DNAH11: variants seen among roughly 807,000 people sequenced by gnomAD.
The protein encoded by DNAH11 is dynein axonemal heavy chain 11.
Under a neutral mutation model 526.0 loss-of-function variants are expected in DNAH11, and 442 were observed. The observed-to-expected ratio is 0.84, with a 90% CI of 0.78 to 0.91. The LOEUF (loss-of-function observed/expected upper bound fraction) is 0.91. Ranked by LOEUF, DNAH11 falls within the 40% of genes least tolerant of loss-of-function variation. DNAH11 has a pLI of 0.00. For synonymous variants in DNAH11, 2,461 were observed against 1,935.9 expected (o/e 1.27, Z -7.12); for missense variants, 6,989 against 5,448.7 (o/e 1.28, Z -8.90).
At chr7:21,555,318 T>C (rs1255871139) in intron 2 of DNAH11, among the ~76,000 whole-genome samples, 3 of 152,190 alleles carry the variant, frequency 2.0e-5, no homozygotes, top group Non-Finnish European at 4.4e-5. Context: ...ATTCAAGGGT[T>C]GTCACTCCAA....
intron 22 of DNAH11, among the ~76,000 whole-genome samples, chr7:21,617,415 A>G (rs1055197081): frequency 8.5e-5 from 13 of 152,198 alleles, no homozygotes; most frequent in African/African-American, 2.9e-4. Context: ...AGTGTATACA[A>G]GTGGCTTGTA....
In DNAH11 at chr7:21,637,675, A is replaced by G. The variant is rs886062176; in HGVS notation, c.4790A>G (p.Tyr1597Cys). Residue 1597 changes from tyrosine (Y) to cysteine (C), a missense_variant, in exon 27 of 82, where the codon TAT becomes TGT. Tyr to Cys is a radical substitution (Grantham distance 194, BLOSUM62 -2). Transcript: ENST00000409508. ...VLEATCRPNL[Y>C]EKLKDLQSRL... Reference sequence around the variant, plus strand: ...GAAGCAACGTGCAGACCTAATCTCTATGAAAAACTTAAAGATTTACAGTCC... The same window carrying G: ...GAAGCAACGTGCAGACCTAATCTCTGTGAAAAACTTAAAGATTTACAGTCC... 6.4e-7 allele frequency: 1 copy of G among 1,573,210 alleles called. No individual in the cohort carries two copies. The highest frequency in any genetic ancestry group is 8.6e-7 in the Non-Finnish European group (1 of 1,159,800).
chr7:21,647,125 T>C (rs1787391013), intron 28 of DNAH11, among the ~76,000 whole-genome samples: 1 of 152,310 alleles, frequency 6.6e-6, no homozygotes, highest in Admixed American at 6.5e-5. Flanking sequence ...GTGCTAGGAC[T>C]TCCCAAAGTG....
intron 54 of DNAH11, among the ~76,000 whole-genome samples, chr7:21,755,518 A>G (rs543286238): frequency 3.2e-4 from 48 of 152,316 alleles, no homozygotes; most frequent in Non-Finnish European, 6.0e-4. Context: ...ATATATATAT[A>G]TAGTTATCCA....
At chr7:21,778,789 A>G (rs1428761515) in intron 56 of DNAH11, among the ~76,000 whole-genome samples, 169 bp from the exon 57 acceptor site, 1 of 152,226 alleles carries the variant, frequency 6.6e-6, no homozygotes, top group Non-Finnish European at 1.5e-5. Flanking sequence ...ATGTGGAGAA[A>G]AACAATGTGG....
intron 2 of DNAH11, among the ~76,000 whole-genome samples, chr7:21,552,506 A>T (rs1264300567): frequency 6.6e-6 from 1 of 152,070 alleles, no homozygotes; most frequent in Non-Finnish European, 1.5e-5. Context: ...GTTCTTAGAG[A>T]CTTGCAATCT....
intron 73 of DNAH11, 34 bp from the exon 74 acceptor site, chr7:21,873,240 C>T (rs1350105992): frequency 2.7e-5 from 41 of 1,499,436 alleles, no homozygotes; most frequent in Non-Finnish European, 3.6e-5. Flanking sequence ...TATGCCTCAC[C>T]TTCACAGGAA....
chr7:21,585,277 G>A (rs898688582), intron 9 of DNAH11, among the ~76,000 whole-genome samples: 2 of 152,118 alleles, frequency 1.3e-5, no homozygotes, highest in Non-Finnish European at 2.9e-5. Flanking sequence ...GGAGTGACTG[G>A]TAGTTCAAGT....
At chr7:21,706,112 C>A (rs554971808) in intron 39 of DNAH11, among the ~76,000 whole-genome samples, 28 of 152,210 alleles carry the variant, frequency 1.8e-4, no homozygotes, top group African/African-American at 6.5e-4. Context: ...AAGGAAGTGG[C>A]AAAACCCACA....
intron 57 of DNAH11, among the ~76,000 whole-genome samples, chr7:21,783,735 C>T (rs923467192): frequency 2.0e-5 from 3 of 151,676 alleles, no homozygotes; most frequent in South Asian, 2.1e-4. Flanking sequence ...GCTGATGCAG[C>T]ACCCTCTGTG....
Position 21,570,186 on chromosome 7 carries a change from A to G in DNAH11, c.1312A>G (p.Arg438Gly). 6.2e-7 allele frequency: 1 copy of G among 1,613,488 alleles called. No individual in the cohort carries two copies. The highest frequency in any genetic ancestry group is 8.5e-7 in the Non-Finnish European group (1 of 1,179,716). Residue 438 changes from arginine (R) to glycine (G), a missense_variant, in exon 7 of 82, where the codon AGA becomes GGA. Transcript: ENST00000409508. The part of the protein sequence containing the change: ...KTFKNSFFNY[R>G]KKLASYFMGR... Reference sequence around the variant, plus strand: ...TTTCAAAAACTCCTTTTTCAACTATAGAAAAAAATTGGCAAGCTACTTTAT... The same window carrying G: ...TTTCAAAAACTCCTTTTTCAACTATGGAAAAAAATTGGCAAGCTACTTTAT...
At chr7:21,670,397 A>G (rs1782597671) in intron 30 of DNAH11, among the ~76,000 whole-genome samples, 1 of 152,130 alleles carries the variant, frequency 6.6e-6, no homozygotes, top group African/African-American at 2.4e-5. Context: ...GGGCTTTGCT[A>G]AATTTACTTA....
intron 68 of DNAH11, among the ~76,000 whole-genome samples, chr7:21,858,362 T>C (rs1310569403): frequency 6.6e-6 from 1 of 152,160 alleles, no homozygotes; most frequent in Non-Finnish European, 1.5e-5. Flanking sequence ...TCTCACACTT[T>C]TACTCCAGGC....
At position 21,739,559 on chromosome 7, in the gene DNAH11, T is replaced by G; in HGVS notation, c.7812-12T>G. The G allele has an allele frequency of 6.2e-7, 1 of 1,606,026 alleles. No individual in the cohort carries two copies. Among genetic ancestry groups the G allele is most frequent in the Non-Finnish European group, 8.5e-7 (1 of 1,176,458 alleles). The stretch of plus-strand genomic sequence containing the variant: ...AGTTTTTGGATTTAAGGTTCTGTTT[T>G]CTGTCTTTCAGGTATGATAGACAGA... On this transcript the variant is annotated splice_polypyrimidine_tract_variant and intron_variant, in intron 47 of 81. Coordinates refer to ENST00000409508, the MANE Select transcript of DNAH11 (RefSeq NM_001277115.2).
chr7:21,794,694 A>G (rs1056440596), intron 61 of DNAH11, among the ~76,000 whole-genome samples: 1 of 150,880 alleles, frequency 6.6e-6, no homozygotes, highest in African/African-American at 2.4e-5. Flanking sequence ...AGAGAATTTC[A>G]TGGGCTGGAG....
chr7:21,558,753 A>G, intron 2 of DNAH11, 49 bp from the exon 3 acceptor site: 2 of 1,390,066 alleles, frequency 1.4e-6, no homozygotes, highest in Non-Finnish European at 1.9e-6. Flanking sequence ...AAATCTTTGA[A>G]GGAATGCATT....
intron 30 of DNAH11, among the ~76,000 whole-genome samples, chr7:21,659,250 C>A (rs970483894): frequency 1.3e-5 from 2 of 148,664 alleles, no homozygotes; most frequent in Non-Finnish European, 3.0e-5. Context: ...CTATTGTCTT[C>A]TAAGGCTCTA....
chr7:21,796,626 C>T (rs546135065), intron 61 of DNAH11, among the ~76,000 whole-genome samples: 3 of 152,114 alleles, frequency 2.0e-5, no homozygotes, highest in Non-Finnish European at 4.4e-5. Context: ...GGAACCATCA[C>T]CTGGAACAAA....
intron 5 of DNAH11, among the ~76,000 whole-genome samples, chr7:21,562,123 A>T (rs1213553657): frequency 6.6e-6 from 1 of 152,232 alleles, no homozygotes. Flanking sequence ...TCATTGGCCA[A>T]ATTGGCCTAT....
Sources: gnomAD v4.1 joint callset for allele counts (sites outside exome capture counted in the v4.1 genomes callset) on GRCh38, gnomAD v4.1.1 for gene constraint, MANE v1.5 for transcripts, NCBI Gene and HGNC (gene_info 2026-07-23, HGNC 2026-07-21) for gene names.